Variants in VGLL3 observed in about 807,000 individuals in gnomAD.
The protein encoded by VGLL3 is vestigial like family member 3, also known as transcription cofactor vestigial-like protein 3.
VGLL3 carries 18 observed loss-of-function variants against 29.2 expected under a neutral mutation model. The ratio of observed to expected loss-of-function variants is 0.62; its 90% confidence interval spans 0.43 to 0.91. The LOEUF (loss-of-function observed/expected upper bound fraction) is 0.91. Among genes scored for constraint, VGLL3 ranks in the 40% least tolerant of loss-of-function variants. The probability of loss-of-function intolerance (pLI) is 0.00; values close to 1 mark genes in which losing one functional copy is unlikely to be tolerated. For synonymous variants in VGLL3, 180 were observed against 151.8 expected, an observed-to-expected ratio of 1.19 and a Z score of -1.36; for missense variants, 440 against 413.2, an observed-to-expected ratio of 1.06 and a Z score of -0.56.
At chr3:86,948,797 T>C (rs1291757373) in intron 3 of VGLL3, among the ~76,000 whole-genome samples, 1 of 152,046 alleles carries the variant, frequency 6.6e-6, no homozygotes, top group African/African-American at 2.4e-5. Context: ...AGGAGAAGGA[T>C]AAAAGAGGAC....
chr3:86,972,463 A>C (rs1437300568), intron 2 of VGLL3, among the ~76,000 whole-genome samples: 1 of 152,198 alleles, frequency 6.6e-6, no homozygotes, highest in African/African-American at 2.4e-5. Flanking sequence ...CTTCAAAATC[A>C]CTATTCGGTG....
chr3:86,953,694 G>C (rs948502266), intron 3 of VGLL3, among the ~76,000 whole-genome samples: 3 of 151,960 alleles, frequency 2.0e-5, no homozygotes, highest in Admixed American at 6.6e-5. Context: ...GTCCGATTAT[G>C]GCATTTATTC....
chr3:86,962,665 C>T (rs1704877255), intron 3 of VGLL3: 1 of 868,916 alleles, frequency 1.2e-6, no homozygotes, highest in African/African-American at 1.8e-5. Flanking sequence ...TTCTCTTAAC[C>T]CCACAGTTCT....
At chr3:86,987,710 G>A (rs1350627264) in intron 1 of VGLL3, among the ~76,000 whole-genome samples, 4 of 152,136 alleles carry the variant, frequency 2.6e-5, no homozygotes, top group Non-Finnish European at 5.9e-5. Context: ...AGTAATTAAT[G>A]TCAGGGACAA....
At position 86,968,882 on chromosome 3, in the gene VGLL3, C is replaced by T. The variant is rs1262306356; in HGVS notation, c.645G>A (p.Val215=). ...CATGCATATGGCTGTAGGATGGGCTCACCTGAGATGTCAAAGGATAAGGCC... is the reference window on the plus strand; with the variant it reads ...CATGCATATGGCTGTAGGATGGGCTTACCTGAGATGTCAAAGGATAAGGCC... ...ESWPYPLTSQ[V]SPSYSHMHDV... is the part of the protein sequence containing the mutation. The change falls in exon 3 of 4, where the codon GTG becomes GTA. Residue 215 remains valine (V), a synonymous_variant. Transcript: ENST00000398399. The T allele has an allele frequency of 2.5e-6, 4 of 1,614,074 alleles. No individual in the cohort carries two copies. Among genetic ancestry groups the T allele is most frequent in the Non-Finnish European group, 3.4e-6 (4 of 1,180,022 alleles).
intron 1 of VGLL3, among the ~76,000 whole-genome samples, chr3:86,988,840 A>G (rs1405002288): frequency 6.6e-6 from 1 of 151,744 alleles, no homozygotes; most frequent in Non-Finnish European, 1.5e-5. Context: ...ATGTAGATAA[A>G]TTGTTTTCTT....
intron 2 of VGLL3, among the ~76,000 whole-genome samples, chr3:86,969,435 C>A (rs1705043296): frequency 6.6e-6 from 1 of 152,140 alleles, no homozygotes; most frequent in Non-Finnish European, 1.5e-5. Flanking sequence ...TTCTGAGTAC[C>A]TTGCAGCCAT....
In VGLL3 at chr3:86,944,436, A is replaced by T. The variant is rs1360095109; in HGVS notation, c.*2588T>A. 6.6e-6 allele frequency: 1 copy of T among 152,368 alleles called. No individual in the cohort carries two copies. Among genetic ancestry groups the T allele is most frequent in the Non-Finnish European group, 1.5e-5 (1 of 68,230 alleles). The allele number at this position is 152,368 out of a possible 1,614,324, so 9.4% of individuals were successfully genotyped here. On this transcript the variant is annotated 3_prime_UTR_variant, in exon 4 of 4. Transcript: ENST00000398399. ...AATTTTTCAGAAATTTTTTGTAGGG[A>T]TAGGGTCTCCCTATGTTGCCTAGGC...
At chr3:86,979,772 T>G (rs1017509342) in intron 1 of VGLL3, among the ~76,000 whole-genome samples, 3 of 152,054 alleles carry the variant, frequency 2.0e-5, no homozygotes, top group African/African-American at 7.2e-5. Context: ...TATAGACATG[T>G]GTGTGCATAT....
At chr3:86,966,094 G>A (rs752460744) in intron 3 of VGLL3, among the ~76,000 whole-genome samples, 1 of 152,052 alleles carries the variant, frequency 6.6e-6, no homozygotes, top group Admixed American at 6.6e-5. Context: ...TTTCGGGCCA[G>A]CCTCGATGCA....
At position 86,942,615 on chromosome 3, in the gene VGLL3, G is replaced by T. The variant is rs1704422516; in HGVS notation, c.*4409C>A. On this transcript the variant is annotated 3_prime_UTR_variant, in exon 4 of 4. Coordinates refer to ENST00000398399, the MANE Select transcript of VGLL3 (RefSeq NM_016206.4). ...AAAATATAAACTATGGTGAATGAAT[G>T]ACACTGTCCTCATAATTTTGGACAC... The T allele has an allele frequency of 6.6e-6, 1 of 152,172 alleles. No homozygotes were observed. The highest frequency in any genetic ancestry group is 1.5e-5 in the Non-Finnish European group (1 of 68,030). 9.4% of individuals were successfully genotyped at this position (152,172 alleles called of 1,614,324 possible).
chr3:86,963,612 GTTAAA>G (rs561464067), intron 3 of VGLL3, among the ~76,000 whole-genome samples: 52 of 152,320 alleles, frequency 3.4e-4, no homozygotes, highest in African/African-American at 1.2e-3. Context: ...ATTTTTAGAA[GTTAAA>G]TAAAGTGTAA....
intron 2 of VGLL3, 121 bp from the exon 3 acceptor site, chr3:86,969,244 C>T (rs1016074516): frequency 5.7e-6 from 7 of 1,218,214 alleles, no homozygotes; most frequent in African/African-American, 1.5e-5. Flanking sequence ...TTAGCATGCA[C>T]TCTTATTCTC....
rs1314909485 is a variant in VGLL3, at chr3:86,945,950, T to C, written c.*1074A>G. On this transcript the variant is annotated 3_prime_UTR_variant, in exon 4 of 4. Transcript: ENST00000398399. ...GGGCTTTGTAATTTCTCTAGTACCT[T>C]CCCAGATATTGTTCCTTCAAATGCC... 1 of 152,136 alleles carries C rather than the reference T, an allele frequency of 6.6e-6. No individual in the cohort carries two copies. The highest frequency in any genetic ancestry group is 2.4e-5 in the African/African-American group (1 of 41,440). The allele number at this position is 152,136 out of a possible 1,614,324, so 9.4% of individuals were successfully genotyped here. A position where few individuals can be genotyped will look rare whatever the true frequency, so the allele number is the denominator to read the frequency against.
At chr3:86,978,903 A>G (rs759290918) in intron 1 of VGLL3, 101 bp from the exon 2 acceptor site, 5 of 1,305,760 alleles carry the variant, frequency 3.8e-6, no homozygotes, top group Non-Finnish European at 5.1e-6. Flanking sequence ...AAATATTAAC[A>G]TATGTTTGCA....
rs1187646567 is a variant in VGLL3 at position 86,942,997 on chromosome 3, G to A, written c.*4027C>T. ...TCTAATATGAGCTACATGATTGATC[G>A]TGTGTGTGTGTGTCTGTGTGTGTGT... is the stretch of plus-strand genomic sequence containing the variant. On this transcript the variant is annotated 3_prime_UTR_variant, in exon 4 of 4. Transcript: ENST00000398399. 7 of 109,248 alleles carry A rather than the reference G, an allele frequency of 6.4e-5. No homozygotes were observed. Among genetic ancestry groups the A allele is most frequent in the Admixed American group, 1.7e-4 (2 of 11,882 alleles). The allele number at this position is 109,248 out of a possible 1,614,324, so 6.8% of individuals were successfully genotyped here. A position where few individuals can be genotyped will look rare whatever the true frequency, so the allele number is the denominator to read the frequency against.
chr3:86,973,129 A>T (rs1199365372), intron 2 of VGLL3, among the ~76,000 whole-genome samples: 1 of 152,160 alleles, frequency 6.6e-6, no homozygotes, highest in African/African-American at 2.4e-5. Flanking sequence ...CGAGTAAAAA[A>T]TTTAAGAAAG....
intron 1 of VGLL3, among the ~76,000 whole-genome samples, chr3:86,989,258 T>C (rs1383017484): frequency 2.0e-5 from 3 of 152,228 alleles, no homozygotes; most frequent in Non-Finnish European, 4.4e-5. Flanking sequence ...TTCCAAATGA[T>C]AATTGAAGAC....
intron 1 of VGLL3, among the ~76,000 whole-genome samples, chr3:86,980,762 C>T (rs1705309783): frequency 6.6e-6 from 1 of 151,448 alleles, no homozygotes. Context: ...GTGTATTTAC[C>T]TAAAACATGT....
Sources: gnomAD v4.1 joint callset for allele counts (sites outside exome capture counted in the v4.1 genomes callset) on GRCh38, gnomAD v4.1.1 for gene constraint, MANE v1.5 for transcripts, NCBI Gene and HGNC (gene_info 2026-07-23, HGNC 2026-07-21) for gene names.